Variants in ARHGEF28 observed in about 807,000 individuals in gnomAD.
ARHGEF28 encodes Rho guanine nucleotide exchange factor 28, also known as 190 kDa guanine nucleotide exchange factor.
Under a neutral mutation model 206.6 loss-of-function variants are expected in ARHGEF28, and 152 were observed. The observed-to-expected ratio is 0.74, with a 90% CI of 0.64 to 0.84. The LOEUF is 0.84. ARHGEF28 is among the 40% of genes least tolerant of loss of function. The probability of loss-of-function intolerance (pLI) is 0.00; values close to 1 mark genes in which losing one functional copy is unlikely to be tolerated. For synonymous variants in ARHGEF28, 763 were observed against 776.4 expected, an observed-to-expected ratio of 0.98 and a Z score of 0.29; for missense variants, 2,028 against 2,073.2, an observed-to-expected ratio of 0.98 and a Z score of 0.42.
intron 20 of ARHGEF28, among the ~76,000 whole-genome samples, chr5:73,869,836 A>C (rs185986253): frequency 6.6e-6 from 1 of 152,026 alleles, no homozygotes; most frequent in East Asian, 1.9e-4. Flanking sequence ...TGAACCCGGG[A>C]GGCGGAGGTT....
chr5:73,640,549 T>C (rs1414115532), intron 1 of ARHGEF28, among the ~76,000 whole-genome samples: 1 of 152,208 alleles, frequency 6.6e-6, no homozygotes, highest in Non-Finnish European at 1.5e-5. Flanking sequence ...AAGAAGAAAT[T>C]ATTATCTCTA....
chr5:73,746,342 A>C (rs1751716726), intron 2 of ARHGEF28, among the ~76,000 whole-genome samples: 2 of 152,164 alleles, frequency 1.3e-5, no homozygotes, highest in Admixed American at 1.3e-4. Flanking sequence ...AATGCAATTA[A>C]AAAGGGTGCC....
chr5:73,811,242 A>G (rs1755819797), intron 9 of ARHGEF28, among the ~76,000 whole-genome samples: 1 of 152,210 alleles, frequency 6.6e-6, no homozygotes, highest in South Asian at 2.1e-4. Flanking sequence ...CCATAGACCT[A>G]TGCACACTCC....
In ARHGEF28 at chr5:73,638,393, A is replaced by G. The variant is rs182612598; in HGVS notation, c.-12+12071A>G. Among the ~76,000 whole-genome samples, 1,447 of 152,352 alleles carry G rather than the reference A, an allele frequency of 9.5e-3. 19 individuals carry two copies. Among genetic ancestry groups the G allele is most frequent in the South Asian group, 0.02 (99 of 4,830 alleles). ...GATACTTGAGAATTGAAACAATTTT[A>G]TAGAATCCTGGAAATGTTTGATAAA... On this transcript the variant is annotated intron_variant, in intron 1 of 35. Coordinates refer to ENST00000513042, the MANE Select transcript of ARHGEF28 (RefSeq NM_001177693.2).
chr5:73,924,768 C>T (rs1763707876), intron 35 of ARHGEF28, among the ~76,000 whole-genome samples: 1 of 152,148 alleles, frequency 6.6e-6, no homozygotes, highest in Non-Finnish European at 1.5e-5. Flanking sequence ...CAACTTTTCC[C>T]AAACTTCTAC....
At chr5:73,723,341 C>T (rs1750077316) in intron 2 of ARHGEF28, among the ~76,000 whole-genome samples, 1 of 152,194 alleles carries the variant, frequency 6.6e-6, no homozygotes, top group Non-Finnish European at 1.5e-5. Flanking sequence ...CTGCGTGCCA[C>T]CACGCCCAGC....
intron 2 of ARHGEF28, among the ~76,000 whole-genome samples, chr5:73,694,785 T>C (rs2112271535): frequency 6.6e-6 from 1 of 152,384 alleles, no homozygotes; most frequent in Admixed American, 6.5e-5. Context: ...TCACTAAGTT[T>C]GCTCTTGCTT....
intron 1 of ARHGEF28, among the ~76,000 whole-genome samples, chr5:73,633,802 C>T (rs1201381426): frequency 6.6e-6 from 1 of 151,952 alleles, no homozygotes; most frequent in Non-Finnish European, 1.5e-5. Context: ...GTCTCGAACT[C>T]CTGATCTCAG....
chr5:73,716,325 G>A (rs1749578446), intron 2 of ARHGEF28, among the ~76,000 whole-genome samples: 1 of 152,168 alleles, frequency 6.6e-6, no homozygotes, highest in Non-Finnish European at 1.5e-5. Flanking sequence ...GGCCTGTTTG[G>A]AGACATTCTA....
At chr5:73,643,177 C>G (rs893947650) in intron 1 of ARHGEF28, among the ~76,000 whole-genome samples, 1 of 152,048 alleles carries the variant, frequency 6.6e-6, no homozygotes, top group Non-Finnish European at 1.5e-5. Context: ...TGTTAAAGAC[C>G]AAAACAAAGC....
At chr5:73,807,796 A>G (rs1433801326) in intron 9 of ARHGEF28, among the ~76,000 whole-genome samples, 1 of 151,854 alleles carries the variant, frequency 6.6e-6, no homozygotes, top group Non-Finnish European at 1.5e-5. Context: ...CAACAATATA[A>G]TTCTTTAACA....
chr5:73,704,577 A>C (rs1334260722), intron 2 of ARHGEF28, among the ~76,000 whole-genome samples: 2 of 151,954 alleles, frequency 1.3e-5, no homozygotes, highest in Non-Finnish European at 2.9e-5. Context: ...GGTGTGTGCC[A>C]CCACACCTGG....
chr5:73,872,907 G>A (rs982073119), intron 21 of ARHGEF28, 92 bp from the exon 22 acceptor site: 62 of 1,377,474 alleles, frequency 4.5e-5, no homozygotes, highest in South Asian at 8.7e-5. Context: ...TTTTATTTGC[G>A]TAACATATAG....
At chr5:73,887,378 T>A (rs1761364645) in intron 25 of ARHGEF28, 1 of 363,358 alleles carries the variant, frequency 2.8e-6, no homozygotes, top group Non-Finnish European at 4.9e-6. Context: ...AGTGACTACA[T>A]TAAACTTTGC....
At chr5:73,690,735 C>G (rs1747771935) in intron 2 of ARHGEF28, among the ~76,000 whole-genome samples, 1 of 152,000 alleles carries the variant, frequency 6.6e-6, no homozygotes, top group Admixed American at 6.6e-5. Flanking sequence ...ATAATTAATG[C>G]TAGTCTTTCT....
intron 2 of ARHGEF28, among the ~76,000 whole-genome samples, chr5:73,695,387 T>G (rs1748137127): frequency 6.6e-6 from 1 of 152,154 alleles, no homozygotes; most frequent in South Asian, 2.1e-4. Flanking sequence ...CATCTATTCT[T>G]GTTATTTAGA....
intron 16 of ARHGEF28, among the ~76,000 whole-genome samples, chr5:73,858,479 T>C (rs1759192883): frequency 6.6e-6 from 1 of 152,160 alleles, no homozygotes; most frequent in South Asian, 2.1e-4. Context: ...CTCCCCATTC[T>C]GTGCTCACCT....
chr5:73,931,794 T>C (rs1268085141), intron 35 of ARHGEF28, among the ~76,000 whole-genome samples: 1 of 152,232 alleles, frequency 6.6e-6, no homozygotes, highest in Non-Finnish European at 1.5e-5. Context: ...AAGTTAGATT[T>C]GTCTCTATTT....
chr5:73,741,389 A>G (rs12520180), intron 2 of ARHGEF28, among the ~76,000 whole-genome samples: 378 of 8,792 alleles, frequency 0.043, 2 homozygotes, highest in African/African-American at 0.13. Flanking sequence ...GTGTGTGTAT[A>G]TATATATATA....
Sources: gnomAD v4.1 joint callset for allele counts (sites outside exome capture counted in the v4.1 genomes callset) on GRCh38, gnomAD v4.1.1 for gene constraint, MANE v1.5 for transcripts, NCBI Gene and HGNC (gene_info 2026-07-23, HGNC 2026-07-21) for gene names.